The following OPRM1 variants were observed in gnomAD, a reference collection of about 807,000 sequenced individuals.
The protein encoded by OPRM1 is opioid receptor mu 1.
In OPRM1, 27 loss-of-function variants were observed where a neutral mutation model predicts 31.8. The observed-to-expected ratio is 0.85, with a 90% confidence interval of 0.63 to 1.17. The LOEUF is 1.17. OPRM1 is among the 50% of genes most tolerant of loss of function. OPRM1 has a pLI of 0.00. For synonymous variants in OPRM1, 196 were observed against 189.9 expected (o/e 1.03, Z -0.26); for missense variants, 536 against 511.1 (o/e 1.05, Z -0.47).
intron 1 of OPRM1, among the ~76,000 whole-genome samples, chr6:154,019,827 G>A (rs12201038): frequency 0.061 from 8,827 of 145,322 alleles, 367 homozygotes; most frequent in African/African-American, 0.11. Flanking sequence ...TCTCCTTTCC[G>A]GGCTCAAGCA....
chr6:154,027,837 T>C (rs1778786163), intron 1 of OPRM1, among the ~76,000 whole-genome samples: 1 of 152,148 alleles, frequency 6.6e-6, no homozygotes, highest in Non-Finnish European at 1.5e-5. Context: ...AGTCAGCTTG[T>C]CATGAGTGCT....
rs979612140 is a variant in OPRM1 at position 154,132,051 on chromosome 6, AT to A, written c.*13333del. Among the ~76,000 whole-genome samples, 1 of 151,728 alleles carries A rather than the reference AT, an allele frequency of 6.6e-6. No homozygotes were observed. Among genetic ancestry groups the A allele is most frequent in the Admixed American group, 6.6e-5 (1 of 15,222 alleles). On this transcript the variant is annotated 3_prime_UTR_variant, in exon 4 of 4. Transcript: ENST00000330432. ...AGTAGAGACAAAGCTACTATTTCACATTTCCAGGTAGGACAGGATGATCAGA... is the reference window on the plus strand; with the variant it reads ...AGTAGAGACAAAGCTACTATTTCACATTCCAGGTAGGACAGGATGATCAGA...
At chr6:154,211,854 A>T (rs1168157961) in intron 3 of OPRM1, among the ~76,000 whole-genome samples, 5 of 152,200 alleles carry the variant, frequency 3.3e-5, no homozygotes, top group Admixed American at 1.3e-4. Context: ...ATAGAATAAT[A>T]AATTAAGAAA....
chr6:154,081,484 C>T (rs1270785562), intron 1 of OPRM1, among the ~76,000 whole-genome samples: 2 of 152,038 alleles, frequency 1.3e-5, no homozygotes, highest in Non-Finnish European at 2.9e-5. Flanking sequence ...CCAGCCTGGG[C>T]AACAGAGTGA....
At position 154,093,659 on chromosome 6, in the gene OPRM1, T is replaced by A. The variant is rs115777921; in HGVS notation, c.1164+2187T>A. ...TCTATGAAGCAGTATCAGTGTAAGA[T>A]AACAGCAGAAACACATTAGCCCTCG... On this transcript the variant is annotated intron_variant, in intron 3 of 3. Coordinates refer to ENST00000330432, the MANE Select transcript of OPRM1 (RefSeq NM_000914.5). 946 of 927,080 alleles carry A rather than the reference T, an allele frequency of 1.0e-3. 4 individuals are homozygous for A. In the African/African-American group the frequency reaches 0.015, roughly 15 times the overall value. 57.4% of individuals were successfully genotyped at this position (927,080 alleles called of 1,614,324 possible). A position where few individuals can be genotyped will look rare whatever the true frequency, so the allele number is the denominator to read the frequency against.
rs1797658089 is a variant in OPRM1, at chr6:154,127,487, C to T, written c.*8766C>T. Among the ~76,000 whole-genome samples the T allele has an allele frequency of 6.6e-6, 1 of 152,060 alleles. No individual in the cohort carries two copies. The highest frequency in any genetic ancestry group is 1.5e-5 in the Non-Finnish European group (1 of 68,024). ...TGTGTTTAAGACGTTTTACTTGTCCCTGAAATGTTTGTCATCACACAGATA... is the reference window on the plus strand; with the variant it reads ...TGTGTTTAAGACGTTTTACTTGTCCTTGAAATGTTTGTCATCACACAGATA... On this transcript the variant is annotated 3_prime_UTR_variant, in exon 4 of 4. Coordinates refer to ENST00000330432, the MANE Select transcript of OPRM1 (RefSeq NM_000914.5).
At chr6:154,219,320 G>A (rs567977427) in intron 3 of OPRM1, 11 of 152,436 alleles carry the variant, frequency 7.2e-5, no homozygotes, top group African/African-American at 2.6e-4. Context: ...CCTCTTGCTG[G>A]AGAGAGGAAA....
chr6:154,138,715 A>G (rs1007002798), intron 3 of OPRM1, among the ~76,000 whole-genome samples: 9 of 152,262 alleles, frequency 5.9e-5, no homozygotes, highest in Admixed American at 5.2e-4. Context: ...AGTTTAAAAC[A>G]AAGATGATAA....
At chr6:154,050,871 C>A (rs558072477) in intron 1 of OPRM1, among the ~76,000 whole-genome samples, 1 of 151,642 alleles carries the variant, frequency 6.6e-6, no homozygotes, top group Admixed American at 6.6e-5. Context: ...CCAAGTACCC[C>A]GTAAATATAT....
chr6:154,082,963 A>G (rs754447248), intron 1 of OPRM1, among the ~76,000 whole-genome samples: 6 of 152,204 alleles, frequency 3.9e-5, no homozygotes, highest in African/African-American at 1.4e-4. Flanking sequence ...CATAAATACT[A>G]TTTATCACAG....
At chr6:154,094,945 G>T (rs2128492260) in intron 3 of OPRM1, among the ~76,000 whole-genome samples, 1 of 152,310 alleles carries the variant, frequency 6.6e-6, no homozygotes, top group East Asian at 1.9e-4. Context: ...CTTCCTGAGG[G>T]CAGGAGCCGT....
chr6:154,146,808 G>T (rs538683288), intron 3 of OPRM1, among the ~76,000 whole-genome samples: 92 of 152,288 alleles, frequency 6.0e-4, no homozygotes, highest in Non-Finnish European at 1.2e-3. Flanking sequence ...TCCTAGGTCA[G>T]GTTCCAGAGA....
intron 3 of OPRM1, among the ~76,000 whole-genome samples, chr6:154,103,889 G>A (rs942126240): frequency 6.6e-6 from 1 of 152,132 alleles, no homozygotes; most frequent in Non-Finnish European, 1.5e-5. Context: ...AGGTCTTTAT[G>A]ACCTGTATTT....
chr6:154,210,476 C>T (rs762965228), intron 3 of OPRM1, among the ~76,000 whole-genome samples: 3 of 152,092 alleles, frequency 2.0e-5, no homozygotes, highest in Non-Finnish European at 4.4e-5. Flanking sequence ...ACATAATCCT[C>T]TCTTAAATCA....
chr6:154,093,038 A>G (rs1792643516), intron 3 of OPRM1, among the ~76,000 whole-genome samples: 1 of 152,232 alleles, frequency 6.6e-6, no homozygotes, highest in African/African-American at 2.4e-5. Flanking sequence ...TTACTTTTGC[A>G]CCAACCTAAT....
At chr6:154,148,744 C>T (rs1221131666) in intron 3 of OPRM1, among the ~76,000 whole-genome samples, 4 of 152,214 alleles carry the variant, frequency 2.6e-5, no homozygotes, top group African/African-American at 7.2e-5. Flanking sequence ...AGATATGTTA[C>T]ATGAAGCTCT....
chr6:154,117,489 G>A (rs571487463), intron 3 of OPRM1, among the ~76,000 whole-genome samples: 97 of 152,220 alleles, frequency 6.4e-4, no homozygotes, highest in Non-Finnish European at 1.2e-3. Context: ...ATCCCACAAG[G>A]CAATACGATG....
chr6:154,077,768 AAAG>A (rs1349420240), intron 1 of OPRM1, among the ~76,000 whole-genome samples: 1 of 151,928 alleles, frequency 6.6e-6, no homozygotes, highest in Non-Finnish European at 1.5e-5. Flanking sequence ...AACTAAAACA[AAAG>A]AAATTCTTTC....
At chr6:154,178,638 A>G (rs1017907415) in intron 3 of OPRM1, among the ~76,000 whole-genome samples, 1 of 152,236 alleles carries the variant, frequency 6.6e-6, no homozygotes, top group African/African-American at 2.4e-5. Flanking sequence ...TGGGGTAACC[A>G]GACATGAAAA....
Sources: allele counts gnomAD v4.1 joint callset (sites outside exome capture counted in the v4.1 genomes callset), GRCh38; gene constraint gnomAD v4.1.1; transcripts MANE v1.5; gene names NCBI Gene and HGNC (gene_info 2026-07-23, HGNC 2026-07-21).